Variants in SORL1 observed in about 807,000 individuals in gnomAD.
SORL1 encodes sortilin related receptor 1.
Under a neutral mutation model 273.7 loss-of-function variants are expected in SORL1, and 127 were observed. The ratio of observed to expected loss-of-function variants is 0.46; its 90% CI spans 0.40 to 0.54. The LOEUF (loss-of-function observed/expected upper bound fraction) is 0.54. Ranked by LOEUF, SORL1 falls within the 20% of genes least tolerant of loss-of-function variation. SORL1 has a pLI of 0.00. For synonymous variants in SORL1, 1,031 were observed against 1,067.4 expected (o/e 0.97, Z 0.66); for missense variants, 2,494 against 2,846.1 (o/e 0.88, Z 2.81).
rs1423311324 is a variant in SORL1, at chr11:121,550,478, G to A, written c.2181-107G>A. The stretch of plus-strand genomic sequence containing the variant: ...TCTTTCTAGTTCTAAAGAGAAATGA[G>A]TGGATGGACTCTACTGGCCGTGGGT... On this transcript the variant is annotated intron_variant, in intron 15 of 47. Coordinates refer to ENST00000260197, the MANE Select transcript of SORL1 (RefSeq NM_003105.6). This position sits in a 1 kb window ranked among gnomAD's most constrained non-coding sequence, Gnocchi z 5.3. The A allele has an allele frequency of 9.0e-6, 8 of 889,978 alleles. No individual in the cohort carries two copies. The highest frequency in any genetic ancestry group is 1.4e-5 in the South Asian group (1 of 71,374). The allele number at this position is 889,978 out of a possible 1,614,324, so 55.1% of individuals were successfully genotyped here.
intron 38 of SORL1, 141 bp downstream of exon 38, chr11:121,608,317 T>C (rs2134928210): frequency 1.4e-6 from 1 of 701,536 alleles, no homozygotes; most frequent in South Asian, 1.8e-5. Context: ...ACGCACATTT[T>C]TGGGTGTCTC....
chr11:121,496,131 A>G (rs1201442694), intron 5 of SORL1, among the ~76,000 whole-genome samples: 1 of 152,224 alleles, frequency 6.6e-6, no homozygotes, highest in African/African-American at 2.4e-5. Context: ...GCACTGAGGA[A>G]GGCTTCCTGG....
rs1863151550 is a variant in SORL1, at chr11:121,588,252, T to A, written c.3946+101T>A. 3 of 1,406,310 alleles carry A rather than the reference T, an allele frequency of 2.1e-6. No homozygotes were observed. The South Asian group carries it at 3.6e-5, about 17-fold the overall frequency. The allele number at this position is 1,406,310 out of a possible 1,614,324, so 87.1% of individuals were successfully genotyped here. On this transcript the variant is annotated intron_variant, in intron 28 of 47. Coordinates refer to ENST00000260197, the MANE Select transcript of SORL1 (RefSeq NM_003105.6). ...GTGTCTCTATTTAATAACTGACAGGTCTTGGTTGAGTGTCGAGGGTTTGAC... is the reference window on the plus strand; with the variant it reads ...GTGTCTCTATTTAATAACTGACAGGACTTGGTTGAGTGTCGAGGGTTTGAC...
chr11:121,471,581 A>AC (rs1226197431), intron 2 of SORL1, among the ~76,000 whole-genome samples: 3 of 152,156 alleles, frequency 2.0e-5, no homozygotes, highest in Admixed American at 6.5e-5. Flanking sequence ...GGCCGGGGGA[A>AC]CCTTCTGATG....
intron 45 of SORL1, 104 bp from the exon 46 acceptor site, chr11:121,624,981 T>C: frequency 1.3e-6 from 1 of 798,426 alleles, no homozygotes; most frequent in South Asian, 1.9e-5. Context: ...CTTTCGCGTC[T>C]GTAGCAGCCC....
At chr11:121,610,882 C>T (rs978536124) in intron 38 of SORL1, 194 bp from the exon 39 acceptor site, 2 of 512,238 alleles carry the variant, frequency 3.9e-6, no homozygotes, top group Non-Finnish European at 7.0e-6. Flanking sequence ...TTTGTGTTCA[C>T]CAAGCAACTG....
In SORL1 at chr11:121,557,315, T is replaced by G; in HGVS notation, c.2573T>G (p.Val858Gly). 6.2e-7 allele frequency: 1 copy of G among 1,612,772 alleles called. No individual in the cohort carries two copies. The highest frequency in any genetic ancestry group is 8.5e-7 in the Non-Finnish European group (1 of 1,178,744). The change falls in exon 19 of 48, where the codon GTA becomes GGA. Residue 858 changes from valine to glycine, a missense_variant and splice_region_variant. By Grantham distance (109) the Val-to-Gly change is moderately radical. Around this residue, in one of 3 missense-constraint regions of SORL1, gnomAD observed 1,609 missense variants for 1,816.4 expected, o/e 0.89. Coordinates refer to ENST00000260197, the MANE Select transcript of SORL1 (RefSeq NM_003105.6). The stretch of plus-strand genomic sequence containing the variant: ...CTCTTTTCCCCCTGTTTTTGTCAGG[T>G]AGCTAATCCAGATGGCGACTTCCGA... ...WVDAGFKKIE[V>G]ANPDGDFRLT...
intron 6 of SORL1, among the ~76,000 whole-genome samples, chr11:121,499,682 T>C (rs1477898597): frequency 1.3e-5 from 2 of 152,220 alleles, no homozygotes; most frequent in African/African-American, 2.4e-5. Context: ...ATAAACAAAG[T>C]TGGCCTCGGT....
intron 31 of SORL1, among the ~76,000 whole-genome samples, chr11:121,593,204 A>G (rs1341232541): frequency 6.6e-6 from 1 of 151,928 alleles, no homozygotes; most frequent in African/African-American, 2.4e-5. Flanking sequence ...ATTTTTTATC[A>G]CCTGTCTCCA....
intron 2 of SORL1, among the ~76,000 whole-genome samples, chr11:121,476,768 C>T (rs1343285824): frequency 2.3e-5 from 3 of 131,774 alleles, no homozygotes; most frequent in Admixed American, 7.6e-5. Flanking sequence ...CGCTTCCTCC[C>T]TCCCTCCCTC....
At chr11:121,619,208 A>G (rs142565214) in intron 42 of SORL1, among the ~76,000 whole-genome samples, 2 of 152,366 alleles carry the variant, frequency 1.3e-5, no homozygotes, top group East Asian at 3.9e-4. Context: ...GTGTGCCAAG[A>G]TATATGGAGA....
At chr11:121,513,895 G>A (rs558623585) in intron 7 of SORL1, among the ~76,000 whole-genome samples, 1 of 152,342 alleles carries the variant, frequency 6.6e-6, no homozygotes, top group South Asian at 2.1e-4. Context: ...AGGTTTGTAG[G>A]TCATTTGTGC....
intron 14 of SORL1, among the ~76,000 whole-genome samples, 178 bp downstream of exon 14, chr11:121,545,607 G>C (rs573750867): frequency 6.6e-6 from 1 of 152,290 alleles, no homozygotes; most frequent in East Asian, 1.9e-4. Context: ...CATGTAAGTT[G>C]TTTTCTTTAG....
chr11:121,480,801 G>A (rs1861364709), intron 3 of SORL1, among the ~76,000 whole-genome samples: 1 of 144,456 alleles, frequency 6.9e-6, no homozygotes, highest in Non-Finnish European at 1.5e-5. Context: ...ATACCTATAG[G>A]CAAGCTCCAT....
At chr11:121,555,453 A>G in intron 18 of SORL1, 135 bp downstream of exon 18, 1 of 1,123,330 alleles carries the variant, frequency 8.9e-7, no homozygotes, top group South Asian at 1.5e-5. Context: ...CAGAGAATGG[A>G]CCAGCTGAGC....
At chr11:121,477,426 C>T (rs1045439956) in intron 2 of SORL1, among the ~76,000 whole-genome samples, 1 of 152,204 alleles carries the variant, frequency 6.6e-6, no homozygotes, top group African/African-American at 2.4e-5. Flanking sequence ...CGTTCCATTC[C>T]CCTCAGCTAG....
intron 43 of SORL1, among the ~76,000 whole-genome samples, chr11:121,620,275 C>T (rs1330172559): frequency 6.6e-6 from 1 of 152,134 alleles, no homozygotes; most frequent in Non-Finnish European, 1.5e-5. Flanking sequence ...CAAGTCATGC[C>T]TATTTGTTTA....
At chr11:121,460,843 G>T (rs1429508303) in intron 1 of SORL1, among the ~76,000 whole-genome samples, 1 of 152,140 alleles carries the variant, frequency 6.6e-6, no homozygotes, top group East Asian at 1.9e-4. Flanking sequence ...GTACCTGTGA[G>T]ATAGCAAGCT....
In SORL1 at chr11:121,595,259, G is replaced by C. The variant is rs1863275170; in HGVS notation, c.4370-364G>C. On this transcript the variant is annotated intron_variant, in intron 31 of 47. Transcript: ENST00000260197. This position sits in a 1 kb window ranked among gnomAD's most constrained non-coding sequence, Gnocchi z 5.1. ...TTTCTGAACTTTTGGAGGACTGTGT[G>C]TTGTTGATCTGATTGGTTCTGAGCT... Among the ~76,000 whole-genome samples the C allele has an allele frequency of 6.6e-6, 1 of 152,220 alleles. No individual in the cohort carries two copies. The highest frequency in any genetic ancestry group is 2.4e-5 in the African/African-American group (1 of 41,456).
Sources: allele counts gnomAD v4.1 joint callset (sites outside exome capture counted in the v4.1 genomes callset), GRCh38; gene constraint gnomAD v4.1.1; regional missense constraint gnomAD v4.1.1; non-coding constraint Gnocchi (gnomAD v3.1); transcripts MANE v1.5; gene names NCBI Gene and HGNC (gene_info 2026-07-23, HGNC 2026-07-21).